ZNF503: variants seen among roughly 807,000 people sequenced by gnomAD.
The protein encoded by ZNF503 is zinc finger protein 503, also known as NocA-like zinc finger 2.
In ZNF503, 15 loss-of-function variants were observed where a neutral mutation model predicts 34.4. That is an observed-to-expected ratio of 0.44 (90% CI 0.29 to 0.67). The LOEUF (loss-of-function observed/expected upper bound fraction) is 0.67, where lower values mean the gene tolerates loss of function less well. Among genes scored for constraint, ZNF503 ranks in the 30% least tolerant of loss-of-function variants. The pLI is 0.13. For synonymous variants in ZNF503, 580 were observed against 456.8 expected (o/e 1.27, Z -3.44); for missense variants, 1,007 against 926.8 (o/e 1.09, Z -1.12).
the ZNF503 span, among the ~76,000 whole-genome samples, chr10:75,347,953 G>A: frequency 6.6e-6 from 1 of 152,120 alleles, no homozygotes; most frequent in Non-Finnish European, 1.5e-5. Flanking sequence ...GCATGATCTC[G>A]GCTCACTGCA....
At chr10:75,289,489 G>C in the ZNF503 span, among the ~76,000 whole-genome samples, 33 of 152,318 alleles carry the variant, frequency 2.2e-4, no homozygotes, top group Admixed American at 1.8e-3. Context: ...CCAACTCGAA[G>C]ACTGGGGCTG....
the ZNF503 span, among the ~76,000 whole-genome samples, chr10:75,321,439 GT>G: frequency 5.8e-4 from 88 of 152,326 alleles, no homozygotes; most frequent in African/African-American, 2.0e-3. Context: ...GGCAGGAACA[GT>G]TTGGAAGTCT....
the ZNF503 span, among the ~76,000 whole-genome samples, chr10:75,314,168 C>T: frequency 2.1e-5 from 3 of 144,306 alleles, no homozygotes; most frequent in Admixed American, 1.5e-4. Flanking sequence ...ACCCGGGAGG[C>T]AGAGCTTGCA....
the ZNF503 span, among the ~76,000 whole-genome samples, chr10:75,376,373 G>A: frequency 6.6e-6 from 1 of 152,168 alleles, no homozygotes; most frequent in East Asian, 1.9e-4. Context: ...ACTGGGCATG[G>A]TGGTTCATGC....
chr10:75,400,614 T>C (rs2131991079), intron 1 of ZNF503, among the ~76,000 whole-genome samples: 1 of 152,266 alleles, frequency 6.6e-6, no homozygotes, highest in East Asian at 1.9e-4. Context: ...GCATCTTTCC[T>C]GCCCTCTCTG....
chr10:75,338,195 T>C, the ZNF503 span: 4 of 152,354 alleles, frequency 2.6e-5, no homozygotes, highest in South Asian at 2.1e-4. Context: ...CTTCTACTTA[T>C]GGCAAATGAT....
the ZNF503 span, among the ~76,000 whole-genome samples, chr10:75,335,137 A>G: frequency 2.0e-5 from 3 of 152,198 alleles, no homozygotes; most frequent in Non-Finnish European, 4.4e-5. Context: ...CAGTTTTCAT[A>G]TCTCTAAAAT....
chr10:75,309,693 T>C, the ZNF503 span, among the ~76,000 whole-genome samples: 5 of 152,250 alleles, frequency 3.3e-5, no homozygotes, highest in Non-Finnish European at 7.3e-5. Context: ...ATGTCTTGCT[T>C]TACTGTGATG....
the ZNF503 span, among the ~76,000 whole-genome samples, chr10:75,348,507 ATTT>A: frequency 1.2e-4 from 12 of 99,352 alleles, no homozygotes; most frequent in Non-Finnish European, 2.1e-4. Context: ...CCCTATTACT[ATTT>A]TTTTTTTTTT....
chr10:75,372,517 C>T, the ZNF503 span, among the ~76,000 whole-genome samples: 1 of 152,322 alleles, frequency 6.6e-6, no homozygotes, highest in Non-Finnish European at 1.5e-5. Context: ...TAAGCACCTG[C>T]CTGACTCAAT....
At chr10:75,283,557 A>T in the ZNF503 span, among the ~76,000 whole-genome samples, 2 of 152,016 alleles carry the variant, frequency 1.3e-5, no homozygotes, top group African/African-American at 2.4e-5. Context: ...CGTCCCCTGT[A>T]TGTTTCGAGG....
At chr10:75,292,513 G>A in the ZNF503 span, among the ~76,000 whole-genome samples, 1 of 152,208 alleles carries the variant, frequency 6.6e-6, no homozygotes, top group Non-Finnish European at 1.5e-5. Context: ...AAGCTCTGGG[G>A]TCCTAGCCTT....
the ZNF503 span, among the ~76,000 whole-genome samples, chr10:75,296,157 C>T: frequency 6.6e-6 from 1 of 152,230 alleles, no homozygotes; most frequent in South Asian, 2.1e-4. Flanking sequence ...AGCTGTTTGA[C>T]CCTCTTGTCT....
At chr10:75,293,867 C>T in the ZNF503 span, among the ~76,000 whole-genome samples, 1 of 152,148 alleles carries the variant, frequency 6.6e-6, no homozygotes, top group Non-Finnish European at 1.5e-5. Flanking sequence ...ATGCTGTGGT[C>T]CAGGAAAGTC....
chr10:75,294,482 A>AT, the ZNF503 span, among the ~76,000 whole-genome samples: 2 of 152,094 alleles, frequency 1.3e-5, no homozygotes, highest in Admixed American at 6.5e-5. Context: ...TATTATTATT[A>AT]TTTTTTTGCA....
the ZNF503 span, among the ~76,000 whole-genome samples, chr10:75,336,283 T>C: frequency 6.6e-6 from 1 of 152,064 alleles, no homozygotes; most frequent in South Asian, 2.1e-4. Flanking sequence ...CTATTCACAA[T>C]TTTAGGTCCA....
the ZNF503 span, among the ~76,000 whole-genome samples, chr10:75,288,070 T>C: frequency 1.3e-5 from 2 of 152,212 alleles, no homozygotes; most frequent in East Asian, 3.9e-4. Context: ...GCACTAGCCA[T>C]AGCTGTGAGC....
the ZNF503 span, among the ~76,000 whole-genome samples, chr10:75,290,413 GC>G: frequency 6.6e-6 from 1 of 152,180 alleles, no homozygotes; most frequent in South Asian, 2.1e-4. Context: ...AGCTAGTTGG[GC>G]TTCCTCACAC....
the ZNF503 span, among the ~76,000 whole-genome samples, chr10:75,304,831 A>G: frequency 3.9e-5 from 6 of 152,208 alleles, no homozygotes; most frequent in Admixed American, 6.5e-5. Flanking sequence ...AGGATTCTGC[A>G]TAAAGATTAT....
Sources: gnomAD v4.1 joint callset for allele counts (sites outside exome capture counted in the v4.1 genomes callset) on GRCh38, gnomAD v4.1.1 for gene constraint, MANE v1.5 for transcripts, NCBI Gene and HGNC (gene_info 2026-07-23, HGNC 2026-07-21) for gene names.